ZNF157: variants seen among roughly 807,000 people sequenced by gnomAD.
ZNF157 encodes the protein zinc finger protein 22.
A neutral mutation model predicts 9.4 loss-of-function variants in ZNF157; 8 were observed. The observed-to-expected ratio is 0.85, with a 90% CI of 0.50 to 1.53. The LOEUF is 1.53. ZNF157 is among the 40% of genes most tolerant of loss of function. The pLI, the probability that ZNF157 is intolerant of heterozygous loss-of-function variation, is 0.00. For missense variants in ZNF157, 316 were observed against 385.2 expected (o/e 0.82, Z 1.50); for synonymous variants, 120 against 130.8 (o/e 0.92, Z 0.56).
At chrX:47,405,776 A>G (rs11091196) in intron 1 of ZNF157, among the ~76,000 whole-genome samples, 45,788 of 110,837 alleles carry the variant, frequency 0.41, 7,913 homozygotes, top group African/African-American at 0.66. Context: ...GTAATCAAAT[A>G]CATTTGTCTT....
At position 47,376,233 on chromosome X, in the gene ZNF157, G is replaced by A. The variant is rs746298780; in HGVS notation, c.72+5493G>A. On this transcript the variant is annotated intron_variant, in intron 1 of 3. Transcript: ENST00000377073. ...AAAGCTACTATGAACATTCATGTGC[G>A]GATTTTTGTGTGAACATGTTTTGAA... 1.5e-4 allele frequency among the ~76,000 whole-genome samples: 17 copies of A among 112,210 alleles called. No individual in the cohort carries two copies. In the South Asian group the frequency reaches 2.9e-3, roughly 19 times the overall value.
chrX:47,396,331 G>A (rs980257439), intron 1 of ZNF157, among the ~76,000 whole-genome samples: 2 of 110,927 alleles, frequency 1.8e-5, no homozygotes, highest in African/African-American at 6.6e-5. Flanking sequence ...TCTGAGGTCA[G>A]GAGTTCCAGA....
At position 47,400,999 on chromosome X, in the gene ZNF157, C is replaced by A. The variant is rs190325754; in HGVS notation, c.73-9277C>A. ...GGTGCCATCCATGTGGCAGTAGGAG[C>A]TGTCAGTTCCTCTGGTGGTTTCAAA... On this transcript the variant is annotated intron_variant, in intron 1 of 3. Coordinates refer to ENST00000377073, the MANE Select transcript of ZNF157 (RefSeq NM_003446.4). Among the ~76,000 whole-genome samples the A allele has an allele frequency of 1.7e-3, 191 of 111,710 alleles. 1 individual carries two copies. Among genetic ancestry groups the A allele is most frequent in the African/African-American group, 5.9e-3 (183 of 30,861 alleles).
At chrX:47,398,592 C>T (rs1421662018) in intron 1 of ZNF157, among the ~76,000 whole-genome samples, 1 of 110,808 alleles carries the variant, frequency 9.0e-6, no homozygotes, top group Non-Finnish European at 1.9e-5. Flanking sequence ...AATACAACCT[C>T]CACCTCCTGG....
chrX:47,397,646 C>T (rs1037905813), intron 1 of ZNF157, among the ~76,000 whole-genome samples: 5 of 111,344 alleles, frequency 4.5e-5, no homozygotes, highest in Non-Finnish European at 9.4e-5. Flanking sequence ...AACTCCTGAC[C>T]TCAAATGATC....
intron 1 of ZNF157, among the ~76,000 whole-genome samples, chrX:47,402,683 G>A (rs1279020049): frequency 5.6e-5 from 6 of 107,808 alleles, no homozygotes; most frequent in Non-Finnish European, 1.2e-4. Flanking sequence ...GGGTCTACAG[G>A]CGCCCGCCAC....
In ZNF157 at chrX:47,370,646, G is replaced by A; in HGVS notation, c.-23G>A. 1 of 1,196,971 alleles carries A rather than the reference G, an allele frequency of 8.4e-7. No individual in the cohort carries two copies. Among genetic ancestry groups the A allele is most frequent in the Non-Finnish European group, 1.1e-6 (1 of 887,219 alleles). ...CACAGACAGCTGTCCAGCACGGAAG[G>A]TGGGCTGAGGCCCAGGGTGAACATG... On this transcript the variant is annotated 5_prime_UTR_variant, in exon 1 of 4. It adds an upstream start codon to the 5' untranslated region. Transcript: ENST00000377073.
chrX:47,383,998 G>T (rs1005025088), intron 1 of ZNF157, among the ~76,000 whole-genome samples: 1 of 110,074 alleles, frequency 9.1e-6, no homozygotes, highest in Non-Finnish European at 1.9e-5. Flanking sequence ...GGCTGGGTGC[G>T]GTTGCTCACC....
At chrX:47,382,351 G>A (rs139237115) in intron 1 of ZNF157, among the ~76,000 whole-genome samples, 6,749 of 93,312 alleles carry the variant, frequency 0.072, 876 homozygotes, top group African/African-American at 0.27. Flanking sequence ...GTGCAGTGGC[G>A]TGATCTCAGC....
chrX:47,387,073 T>C (rs953648319), intron 1 of ZNF157, among the ~76,000 whole-genome samples: 11 of 109,008 alleles, frequency 1.0e-4, no homozygotes, highest in Admixed American at 3.0e-4. Flanking sequence ...ATTTCGTCCA[T>C]CAGCGTCCCA....
intron 1 of ZNF157, among the ~76,000 whole-genome samples, chrX:47,404,026 T>C (rs1438093630): frequency 9.1e-6 from 1 of 109,766 alleles, no homozygotes; most frequent in Non-Finnish European, 1.9e-5. Context: ...AAAAATTAGC[T>C]GGGTGTGGTG....
chrX:47,403,511 T>G (rs1325164867), intron 1 of ZNF157, among the ~76,000 whole-genome samples: 1 of 110,049 alleles, frequency 9.1e-6, no homozygotes, highest in East Asian at 2.9e-4. Context: ...TTTATTGTAT[T>G]TTTAGTAGAG....
intron 1 of ZNF157, among the ~76,000 whole-genome samples, chrX:47,380,776 T>A (rs964871471): frequency 9.2e-6 from 1 of 108,716 alleles, no homozygotes; most frequent in African/African-American, 3.3e-5. Flanking sequence ...ATTTTTCTTT[T>A]TTTTTTAGGA....
chrX:47,413,006 C>T lies in ZNF157; in HGVS notation c.933C>T (p.Phe311=). 1 of 1,209,811 alleles carries T rather than the reference C, an allele frequency of 8.3e-7. No homozygotes were observed. ...AATGTGGGGAGTGTGGGAAAAACTT[C>T]CGTGCAAAGAAATCCCTAAATCAGC... The part of the protein sequence containing the change: ...PYECGECGKN[F]RAKKSLNQHQ... The change falls in exon 4 of 4, where the codon TTC becomes TTT. Residue 311 remains phenylalanine, a synonymous_variant. Coordinates refer to ENST00000377073, the MANE Select transcript of ZNF157 (RefSeq NM_003446.4).
At chrX:47,374,575 T>G (rs2055838094) in intron 1 of ZNF157, among the ~76,000 whole-genome samples, 1 of 107,457 alleles carries the variant, frequency 9.3e-6, no homozygotes, top group Non-Finnish European at 1.9e-5. Context: ...ATTTTTTGTA[T>G]TTTTAGTACA....
At chrX:47,378,244 G>A in intron 1 of ZNF157, among the ~76,000 whole-genome samples, 1 of 110,850 alleles carries the variant, frequency 9.0e-6, no homozygotes, top group Non-Finnish European at 1.9e-5. Context: ...TGCCTGGGTG[G>A]GGGCCACAAG....
At position 47,388,396 on chromosome X, in the gene ZNF157, G is replaced by GT. The variant is rs1201910525; in HGVS notation, c.72+17668dup. Among the ~76,000 whole-genome samples the GT allele has an allele frequency of 6.5e-3, 652 of 100,417 alleles. 2 individuals are homozygous for GT. The highest frequency in any genetic ancestry group is 0.016 in the African/African-American group (454 of 27,973). The allele number at this position is 100,417 out of a possible 115,157, so 87.2% of individuals were successfully genotyped here. On this transcript the variant is annotated intron_variant, in intron 1 of 3. Transcript: ENST00000377073. Reference sequence around the variant, plus strand: ...ACTGTGCCTGGCTATGTGTTTTTTTGTTTTTTTTTTTTGAGTCAGAGTCTT... The same window carrying GT: ...ACTGTGCCTGGCTATGTGTTTTTTTGTTTTTTTTTTTTTGAGTCAGAGTCTT...
intron 1 of ZNF157, among the ~76,000 whole-genome samples, chrX:47,374,050 T>C (rs948797397): frequency 3.6e-5 from 4 of 110,115 alleles, no homozygotes; most frequent in Admixed American, 9.9e-5. Context: ...TAGGAGGGGA[T>C]TGTGGGAAGC....
In ZNF157 at chrX:47,404,282, C is replaced by T. The variant is rs182876902; in HGVS notation, c.73-5994C>T. Among the ~76,000 whole-genome samples the T allele has an allele frequency of 2.1e-4, 23 of 109,498 alleles. No homozygotes were observed. The East Asian group carries it at 5.1e-3, about 24-fold the overall frequency. Reference sequence around the variant, plus strand: ...TCAGGTTCAATCGATTCTGCCCCCTCGGCCTCCCTGTAGCTGGGATTACAG... The same window carrying T: ...TCAGGTTCAATCGATTCTGCCCCCTTGGCCTCCCTGTAGCTGGGATTACAG... On this transcript the variant is annotated intron_variant, in intron 1 of 3. Transcript: ENST00000377073.
Sources: gnomAD v4.1 joint callset for allele counts (sites outside exome capture counted in the v4.1 genomes callset) on GRCh38, gnomAD v4.1.1 for gene constraint, MANE v1.5 for transcripts, NCBI Gene and HGNC (gene_info 2026-07-23, HGNC 2026-07-21) for gene names.